PCSK9: variants seen among roughly 807,000 people sequenced by gnomAD.
PCSK9 encodes convertase subtilisin/kexin type 9 preproprotein.
A neutral mutation model predicts 62.1 loss-of-function variants in PCSK9; 57 were observed. The observed-to-expected ratio is 0.92, with a 90% confidence interval of 0.74 to 1.14. PCSK9 has a LOEUF of 1.14. PCSK9 is among the 50% of genes most tolerant of loss of function. PCSK9 has a pLI of 0.00. For synonymous variants in PCSK9, 387 were observed against 409.4 expected (o/e 0.95, Z 0.66); for missense variants, 870 against 959.8 (o/e 0.91, Z 1.24).
Position 55,063,479 on chromosome 1 carries a change from C to T in PCSK9, c.1974C>T (p.Ser658=). Residue 658 remains serine (S), a synonymous_variant, in exon 12 of 12, where the codon AGC becomes AGT. Transcript: ENST00000302118. ...YAVDNTCVVR[S]RDVSTTGSTS... The stretch of plus-strand genomic sequence containing the variant: ...TAGACAACACGTGTGTAGTCAGGAG[C>T]CGGGACGTCAGCACTACAGGCAGCA... 6.2e-7 allele frequency: 1 copy of T among 1,613,956 alleles called. No individual in the cohort carries two copies. The highest frequency in any genetic ancestry group is 8.5e-7 in the Non-Finnish European group (1 of 1,179,864).
At chr1:55,050,902 A>G (rs552291797) in intron 3 of PCSK9, 3 of 343,590 alleles carry the variant, frequency 8.7e-6, no homozygotes, top group African/African-American at 6.5e-5. Context: ...CATCTGGATT[A>G]TGCGGTGGGC....
At chr1:55,043,498 GCA>G (rs1644610922) in intron 1 of PCSK9, among the ~76,000 whole-genome samples, 1 of 152,134 alleles carries the variant, frequency 6.6e-6, no homozygotes, top group African/African-American at 2.4e-5. Context: ...TCTGACTGGG[GCA>G]TGGGGGAGGG....
At chr1:55,046,754 G>C (rs1047683928) in intron 3 of PCSK9, 108 bp downstream of exon 3, 1 of 1,341,234 alleles carries the variant, frequency 7.5e-7, no homozygotes, top group Non-Finnish European at 1.0e-6. Context: ...GGGGCTTTGG[G>C]ACTCAGCACC....
chr1:55,052,528 C>T, intron 4 of PCSK9, 117 bp downstream of exon 4: 1 of 1,601,300 alleles, frequency 6.2e-7, no homozygotes, highest in Non-Finnish European at 8.5e-7. Context: ...CCCCCCCCAG[C>T]TGTCACTGTC....
chr1:55,052,699 G>A lies in PCSK9; in HGVS notation c.707G>A (p.Gly236Asp). The A allele has an allele frequency of 6.2e-7, 1 of 1,613,110 alleles. No homozygotes were observed. The highest frequency in any genetic ancestry group is 8.5e-7 in the Non-Finnish European group (1 of 1,179,932). ...HGTHLAGVVS[G>D]RDAGVAKGAS... is the part of the protein sequence containing the mutation. ...ACCCACCTGGCAGGGGTGGTCAGCGGCCGGGATGCCGGCGTGGCCAAGGGT... is the reference window on the plus strand; with the variant it reads ...ACCCACCTGGCAGGGGTGGTCAGCGACCGGGATGCCGGCGTGGCCAAGGGT... Residue 236 changes from glycine to aspartate, a missense_variant, in exon 5 of 12, where the codon GGC becomes GAC. Coordinates refer to ENST00000302118, the MANE Select transcript of PCSK9 (RefSeq NM_174936.4).
intron 2 of PCSK9, among the ~76,000 whole-genome samples, chr1:55,045,204 A>C (rs888996355): frequency 2.0e-5 from 3 of 152,038 alleles, no homozygotes; most frequent in Non-Finnish European, 2.9e-5. Context: ...GCAGCTGCTC[A>C]GAGGAGAGTA....
At chr1:55,047,413 A>G (rs759896913) in intron 3 of PCSK9, among the ~76,000 whole-genome samples, 2 of 152,218 alleles carry the variant, frequency 1.3e-5, no homozygotes, top group Non-Finnish European at 2.9e-5. Context: ...ACATGGTGCC[A>G]GGACGCAGAG....
chr1:55,057,496 G>A lies in PCSK9; in HGVS notation c.1162G>A (p.Ala388Thr). ...CFVSQSGTSQ[A>T]AAHVAGIAAM... Reference sequence around the variant, plus strand: ...TGTGTCACAGAGTGGGACATCACAGGCTGCTGCCCACGTGGCTGGTAAGTC... The same window carrying A: ...TGTGTCACAGAGTGGGACATCACAGACTGCTGCCCACGTGGCTGGTAAGTC... Residue 388 changes from alanine (A) to threonine (T), a missense_variant, in exon 7 of 12, where the codon GCT becomes ACT. Ala to Thr is a moderately conservative substitution (Grantham distance 58, BLOSUM62 0). Coordinates refer to ENST00000302118, the MANE Select transcript of PCSK9 (RefSeq NM_174936.4). 1 of 1,612,844 alleles carries A rather than the reference G, an allele frequency of 6.2e-7. No homozygotes were observed. The highest frequency in any genetic ancestry group is 8.5e-7 in the Non-Finnish European group (1 of 1,179,758).
In PCSK9 at chr1:55,052,335, G is replaced by A. The variant is rs748155397; in HGVS notation, c.581G>A (p.Arg194Gln). 43 of 1,613,848 alleles carry A rather than the reference G, an allele frequency of 2.7e-5. No individual in the cohort carries two copies. Among genetic ancestry groups the A allele is most frequent in the African/African-American group, 8.0e-5 (6 of 74,904 alleles). The change falls in exon 4 of 12, where the codon CGG becomes CAG. Residue 194 changes from arginine to glutamine, a missense_variant. Transcript: ENST00000302118. ...LLDTSIQSDH[R>Q]EIEGRVMVTD... ...GACACCAGCATACAGAGTGACCACC[G>A]GGAAATCGAGGGCAGGGTCATGGTC... is the stretch of plus-strand genomic sequence containing the variant.
chr1:55,058,312 G>T, intron 8 of PCSK9, 103 bp downstream of exon 8: 1 of 1,476,640 alleles, frequency 6.8e-7, no homozygotes, highest in Non-Finnish European at 9.2e-7. Flanking sequence ...GGAGGATGAC[G>T]CCACCTTAAA....
chr1:55,052,884 A>G, intron 5 of PCSK9, 93 bp downstream of exon 5: 1 of 1,580,368 alleles, frequency 6.3e-7, no homozygotes, highest in Admixed American at 1.7e-5. Context: ...ATGTCTCCTA[A>G]CCAAGAATGC....
chr1:55,052,311 A>T lies in PCSK9; in HGVS notation c.557A>T (p.Asp186Val). ...AGCCTGGTGGAGGTGTATCTCCTAGACACCAGCATACAGAGTGACCACCGG... is the reference window on the plus strand; with the variant it reads ...AGCCTGGTGGAGGTGTATCTCCTAGTCACCAGCATACAGAGTGACCACCGG... ...GGSLVEVYLLDTSIQSDHREI... is the reference protein window; with the variant it reads ...GGSLVEVYLLVTSIQSDHREI... Residue 186 changes from aspartate to valine, a missense_variant, in exon 4 of 12, where the codon GAC becomes GTC. Coordinates refer to ENST00000302118, the MANE Select transcript of PCSK9 (RefSeq NM_174936.4). 1 of 1,613,756 alleles carries T rather than the reference A, an allele frequency of 6.2e-7. No individual in the cohort carries two copies. The highest frequency in any genetic ancestry group is 8.5e-7 in the Non-Finnish European group (1 of 1,179,974).
chr1:55,046,425 G>A, intron 2 of PCSK9, 98 bp from the exon 3 acceptor site: 4 of 1,573,852 alleles, frequency 2.5e-6, no homozygotes, highest in Non-Finnish European at 3.5e-6. Flanking sequence ...GGGCTGGGAT[G>A]TGGGGACAGG....
At chr1:55,056,520 C>G (rs924700465) in intron 6 of PCSK9, among the ~76,000 whole-genome samples, 8 of 152,222 alleles carry the variant, frequency 5.3e-5, no homozygotes, top group Non-Finnish European at 1.2e-4. Context: ...CCGCCCCCTC[C>G]CCATCTCCAT....
chr1:55,063,583 G>GACAGCCCC lies in PCSK9; in HGVS notation c.*1_*8dup. 1 of 1,611,424 alleles carries GACAGCCCC rather than the reference G, an allele frequency of 6.2e-7. No individual in the cohort carries two copies. ...GCGCAGGCCTCCCAGGAGCTCCAGTGACAGCCCCATCCCAGGATGGGTGTC... is the reference window on the plus strand; with the variant it reads ...GCGCAGGCCTCCCAGGAGCTCCAGTGACAGCCCCACAGCCCCATCCCAGGATGGGTGTC... On this transcript the variant is annotated frameshift_variant and stop_retained_variant, in exon 12 of 12. Coordinates refer to ENST00000302118, the MANE Select transcript of PCSK9 (RefSeq NM_174936.4). LOFTEE classifies it high-confidence loss of function.
At chr1:55,055,961 C>T in intron 5 of PCSK9, 32 bp from the exon 6 acceptor site, 1 of 1,582,284 alleles carries the variant, frequency 6.3e-7, no homozygotes, top group Non-Finnish European at 8.6e-7. Flanking sequence ...GCAGGTCTCC[C>T]CAAGGGGTGA....
In PCSK9 at chr1:55,058,522, G is replaced by A. The variant is rs780193533; in HGVS notation, c.1378G>A (p.Val460Ile). The part of the protein sequence containing the change: ...GAGWQLFCRT[V>I]WSAHSGPTRM... ...AGGTTGGCAGCTGTTTTGCAGGACTGTATGGTCAGCACACTCGGGGCCTAC... is the reference window on the plus strand; with the variant it reads ...AGGTTGGCAGCTGTTTTGCAGGACTATATGGTCAGCACACTCGGGGCCTAC... The change falls in exon 9 of 12, where the codon GTA becomes ATA. Residue 460 changes from valine to isoleucine, a missense_variant. Coordinates refer to ENST00000302118, the MANE Select transcript of PCSK9 (RefSeq NM_174936.4). 24 of 1,612,054 alleles carry A rather than the reference G, an allele frequency of 1.5e-5. No individual in the cohort carries two copies. The African/African-American group carries it at 2.9e-4, about 20-fold the overall frequency.
At chr1:55,053,808 G>A (rs1462206623) in intron 5 of PCSK9, among the ~76,000 whole-genome samples, 1 of 152,194 alleles carries the variant, frequency 6.6e-6, no homozygotes, top group Non-Finnish European at 1.5e-5. Flanking sequence ...CCTCGGCTCA[G>A]TCAGGTCAGT....
At position 55,052,374 on chromosome 1, in the gene PCSK9, ATG is replaced by A; in HGVS notation, c.623_624del (p.Val208AlafsTer16). 3 of 1,613,860 alleles carry A rather than the reference ATG, an allele frequency of 1.9e-6. No individual in the cohort carries two copies. Among genetic ancestry groups the A allele is most frequent in the Non-Finnish European group, 2.5e-6 (3 of 1,180,018 alleles). On this transcript the variant is annotated frameshift_variant, in exon 4 of 12. Transcript: ENST00000302118. LOFTEE classifies it high-confidence loss of function. Reference sequence around the variant, plus strand: ...AGGGTCATGGTCACCGACTTCGAGAATGTGCCCGAGGAGGACGGGACCCGCTT... The same window carrying A: ...AGGGTCATGGTCACCGACTTCGAGAATGCCCGAGGAGGACGGGACCCGCTT...
Sources: allele counts gnomAD v4.1 joint callset (sites outside exome capture counted in the v4.1 genomes callset), GRCh38; gene constraint gnomAD v4.1.1; transcripts MANE v1.5; gene names NCBI Gene and HGNC (gene_info 2026-07-23, HGNC 2026-07-21).